Variants in ASH1L observed in about 807,000 individuals in gnomAD.
ASH1L encodes the protein histone-lysine N-methyltransferase ASH1L.
Under a neutral mutation model 269.0 loss-of-function variants are expected in ASH1L, and 23 were observed. The observed-to-expected ratio is 0.09, with a 90% confidence interval of 0.06 to 0.12. The LOEUF is 0.12. Ranked by LOEUF, ASH1L falls within the 10% of genes least tolerant of loss-of-function variation. ASH1L has a pLI of 1.00. For missense variants in ASH1L, 2,912 were observed against 3,567.8 expected, an observed-to-expected ratio of 0.82 and a Z score of 4.68; for synonymous variants, 1,187 against 1,253.5, an observed-to-expected ratio of 0.95 and a Z score of 1.12.
intron 5 of ASH1L, among the ~76,000 whole-genome samples, chr1:155,424,679 T>C (rs950013017): frequency 1.3e-5 from 2 of 152,226 alleles, no homozygotes; most frequent in African/African-American, 4.8e-5. Flanking sequence ...AGTCCTGGAA[T>C]TACAAGCATA....
intron 5 of ASH1L, among the ~76,000 whole-genome samples, chr1:155,427,001 T>C (rs1454533707): frequency 6.6e-6 from 1 of 152,196 alleles, no homozygotes; most frequent in African/African-American, 2.4e-5. Flanking sequence ...AGCTTCCATA[T>C]ATGTGTAGGT....
At chr1:155,441,134 GCT>G (rs1334485060) in intron 4 of ASH1L, among the ~76,000 whole-genome samples, 2 of 152,140 alleles carry the variant, frequency 1.3e-5, no homozygotes, top group Non-Finnish European at 2.9e-5. Flanking sequence ...TCCTTGTGGG[GCT>G]ATTAAAATAC....
intron 25 of ASH1L, among the ~76,000 whole-genome samples, chr1:155,340,731 A>G (rs1652715233): frequency 6.6e-6 from 1 of 152,036 alleles, no homozygotes; most frequent in South Asian, 2.1e-4. Flanking sequence ...TTTTCTGGAT[A>G]GTGGAGTATA....
intron 3 of ASH1L, among the ~76,000 whole-genome samples, chr1:155,472,075 G>C (rs914114808): frequency 6.6e-6 from 1 of 152,124 alleles, no homozygotes; most frequent in Non-Finnish European, 1.5e-5. Flanking sequence ...TGGTTCTCTT[G>C]CGGTCAGGAG....
intron 3 of ASH1L, among the ~76,000 whole-genome samples, chr1:155,461,113 C>A (rs1005850379): frequency 1.3e-5 from 2 of 152,034 alleles, no homozygotes; most frequent in East Asian, 1.9e-4. Flanking sequence ...TACAATAAAT[C>A]AAAAAGTTGA....
At chr1:155,494,890 TA>T (rs1164638135) in intron 2 of ASH1L, among the ~76,000 whole-genome samples, 2 of 151,448 alleles carry the variant, frequency 1.3e-5, no homozygotes, top group African/African-American at 4.9e-5. Flanking sequence ...ATTGTAACAT[TA>T]AAGATCATGA....
intron 1 of ASH1L, among the ~76,000 whole-genome samples, chr1:155,529,828 T>C (rs1165473171): frequency 6.6e-6 from 1 of 151,964 alleles, no homozygotes; most frequent in Admixed American, 6.6e-5. Flanking sequence ...CCTCTCTACC[T>C]CTCTTCCATC....
chr1:155,463,978 G>C (rs771335778), intron 3 of ASH1L, among the ~76,000 whole-genome samples: 2 of 152,180 alleles, frequency 1.3e-5, no homozygotes, highest in Non-Finnish European at 2.9e-5. Flanking sequence ...TACTCTGAGT[G>C]AATCTTCTAA....
chr1:155,386,561 AT>A (rs59493935), intron 7 of ASH1L, among the ~76,000 whole-genome samples: 125,746 of 146,848 alleles, frequency 0.86, 55,110 homozygotes, highest in East Asian at 1. Flanking sequence ...AATTTTTTCT[AT>A]TTTTTTTTTT....
chr1:155,550,444 T>C (rs1671119583), intron 1 of ASH1L, among the ~76,000 whole-genome samples: 1 of 152,210 alleles, frequency 6.6e-6, no homozygotes, highest in Admixed American at 6.5e-5. Flanking sequence ...ATCAAGTCTT[T>C]AAGTCCCTAT....
intron 1 of ASH1L, among the ~76,000 whole-genome samples, chr1:155,531,629 GA>G (rs1482462085): frequency 6.6e-6 from 1 of 151,784 alleles, no homozygotes; most frequent in East Asian, 1.9e-4. Context: ...AAAGAGATTT[GA>G]AAACATTTAT....
intron 2 of ASH1L, among the ~76,000 whole-genome samples, chr1:155,512,711 C>A (rs1668243458): frequency 6.6e-6 from 1 of 151,658 alleles, no homozygotes; most frequent in Admixed American, 6.6e-5. Flanking sequence ...CTCGGCCTCC[C>A]AAAGTGCTGC....
At chr1:155,429,545 T>C (rs1399812969) in intron 5 of ASH1L, among the ~76,000 whole-genome samples, 1 of 152,196 alleles carries the variant, frequency 6.6e-6, no homozygotes, top group Non-Finnish European at 1.5e-5. Context: ...ATTACAGGCA[T>C]GATATGGCAC....
intron 3 of ASH1L, among the ~76,000 whole-genome samples, chr1:155,474,743 T>TG (rs1665401377): frequency 1.3e-5 from 2 of 152,014 alleles, no homozygotes; most frequent in Admixed American, 1.3e-4. Context: ...CTAAATCTGC[T>TG]CCTCCTATAG....
intron 4 of ASH1L, among the ~76,000 whole-genome samples, chr1:155,449,561 C>T (rs575088409): frequency 2.6e-5 from 4 of 151,536 alleles, no homozygotes; most frequent in South Asian, 4.2e-4. Context: ...GCTCTATCAC[C>T]CAGGCTGCAG....
chr1:155,411,592 T>A (rs922636322), intron 6 of ASH1L, among the ~76,000 whole-genome samples: 31 of 39,638 alleles, frequency 7.8e-4, no homozygotes, highest in East Asian at 2.2e-3. Context: ...AATAAATATA[T>A]ATATATATAT....
chr1:155,561,075 C>T (rs914024490), intron 1 of ASH1L, among the ~76,000 whole-genome samples: 2 of 151,270 alleles, frequency 1.3e-5, no homozygotes, highest in Admixed American at 1.3e-4. Flanking sequence ...AACTTTGTCA[C>T]CAATTTAACA....
chr1:155,404,747 G>A (rs1659121677), intron 6 of ASH1L, among the ~76,000 whole-genome samples: 1 of 151,988 alleles, frequency 6.6e-6, no homozygotes, highest in Non-Finnish European at 1.5e-5. Context: ...TATCCAATTG[G>A]AGGGCTGGGC....
chr1:155,375,166 G>A (rs1322434546), intron 10 of ASH1L, among the ~76,000 whole-genome samples: 1 of 151,728 alleles, frequency 6.6e-6, no homozygotes, highest in East Asian at 1.9e-4. Flanking sequence ...ACTGCATCCG[G>A]ATTTAAAAAA....
Sources: gnomAD v4.1 joint callset for allele counts (sites outside exome capture counted in the v4.1 genomes callset) on GRCh38, gnomAD v4.1.1 for gene constraint, MANE v1.5 for transcripts, NCBI Gene and HGNC (gene_info 2026-07-23, HGNC 2026-07-21) for gene names.